Variants in ERC2 observed in about 807,000 individuals in gnomAD.
ERC2 encodes ERC protein 2.
Under a neutral mutation model 114.8 loss-of-function variants are expected in ERC2, and 42 were observed. The ratio of observed to expected loss-of-function variants is 0.37; its 90% CI spans 0.29 to 0.47. The LOEUF is 0.47. Ranked by LOEUF, ERC2 falls within the 20% of genes least tolerant of loss-of-function variation. The pLI is 0.99. For missense variants in ERC2, 939 were observed against 1,150.7 expected, an observed-to-expected ratio of 0.82 and a Z score of 2.66; for synonymous variants, 454 against 425.5, an observed-to-expected ratio of 1.07 and a Z score of -0.82.
chr3:56,147,033 T>C (rs1290096075), intron 5 of ERC2, among the ~76,000 whole-genome samples: 1 of 152,174 alleles, frequency 6.6e-6, no homozygotes, highest in Non-Finnish European at 1.5e-5. Context: ...GTTTACAAAT[T>C]TCATGACATT....
chr3:56,156,071 C>T (rs1188860222), intron 4 of ERC2, among the ~76,000 whole-genome samples: 5 of 151,972 alleles, frequency 3.3e-5, no homozygotes, highest in Non-Finnish European at 5.9e-5. Context: ...AAACCAGATG[C>T]CGAAATGAAA....
intron 17 of ERC2, among the ~76,000 whole-genome samples, chr3:55,641,606 A>T (rs1263715614): frequency 6.6e-6 from 1 of 150,392 alleles, no homozygotes; most frequent in Non-Finnish European, 1.5e-5. Context: ...TCCCTTTTAA[A>T]AAATAGTTTG....
chr3:55,694,739 G>A (rs941192815), intron 16 of ERC2, among the ~76,000 whole-genome samples: 6 of 152,140 alleles, frequency 3.9e-5, no homozygotes, highest in Non-Finnish European at 5.9e-5. Flanking sequence ...GAATCAGAGC[G>A]GCAAGTGCTT....
At chr3:55,764,600 C>A (rs927325446) in intron 14 of ERC2, among the ~76,000 whole-genome samples, 13 of 152,204 alleles carry the variant, frequency 8.5e-5, no homozygotes, top group Admixed American at 8.5e-4. Flanking sequence ...AGAGAAAAAG[C>A]AAAATTCTGC....
At chr3:55,952,179 ACT>A (rs775838556) in intron 12 of ERC2, among the ~76,000 whole-genome samples, 2,885 of 62,098 alleles carry the variant, frequency 0.046, 250 homozygotes, top group African/African-American at 0.13. Flanking sequence ...ACACACACAC[ACT>A]CTCTCTCTCT....
chr3:55,829,626 C>T (rs945897529), intron 14 of ERC2, among the ~76,000 whole-genome samples: 40 of 152,154 alleles, frequency 2.6e-4, no homozygotes, highest in African/African-American at 8.4e-4. Flanking sequence ...GCTATCCTCC[C>T]ATTTCAGCTA....
chr3:56,018,612 A>T (rs926580534), intron 8 of ERC2, among the ~76,000 whole-genome samples: 2 of 152,138 alleles, frequency 1.3e-5, no homozygotes, highest in Non-Finnish European at 2.9e-5. Context: ...GGCCAGGTAG[A>T]GGATTTCAAA....
At chr3:55,790,626 C>A (rs2069926960) in intron 14 of ERC2, among the ~76,000 whole-genome samples, 1 of 152,324 alleles carries the variant, frequency 6.6e-6, no homozygotes, top group Non-Finnish European at 1.5e-5. Flanking sequence ...TACTATCCCC[C>A]ACCTCCAGAT....
chr3:56,320,122 T>G (rs2057060261), intron 2 of ERC2, among the ~76,000 whole-genome samples: 1 of 152,280 alleles, frequency 6.6e-6, no homozygotes, highest in East Asian at 1.9e-4. Context: ...GAGGCTTTTA[T>G]AGGATAAACA....
chr3:55,771,533 T>C (rs1317161101), intron 14 of ERC2, among the ~76,000 whole-genome samples: 2 of 152,172 alleles, frequency 1.3e-5, no homozygotes, highest in African/African-American at 4.8e-5. Flanking sequence ...CCAAATCCCA[T>C]GCTCTTAACC....
chr3:55,522,783 G>T (rs1047776083), intron 17 of ERC2, among the ~76,000 whole-genome samples: 10 of 152,176 alleles, frequency 6.6e-5, no homozygotes, highest in Admixed American at 5.2e-4. Flanking sequence ...ATGTCTCCAC[G>T]TGTAACTGGG....
chr3:55,648,729 G>A (rs2060491779), intron 17 of ERC2, among the ~76,000 whole-genome samples: 1 of 152,166 alleles, frequency 6.6e-6, no homozygotes, highest in African/African-American at 2.4e-5. Context: ...CTTTGCCCTG[G>A]TTCAGAGACA....
At chr3:56,287,771 T>C (rs1485430530) in intron 3 of ERC2, among the ~76,000 whole-genome samples, 1 of 152,184 alleles carries the variant, frequency 6.6e-6, no homozygotes, top group Non-Finnish European at 1.5e-5. Flanking sequence ...GCCAGATCCA[T>C]CCATCACTAT....
chr3:55,941,672 T>C (rs573415559), intron 13 of ERC2, among the ~76,000 whole-genome samples: 184 of 152,352 alleles, frequency 1.2e-3, no homozygotes, highest in Non-Finnish European at 2.1e-3. Context: ...ATTCTTTTGG[T>C]TGAATTTTCT....
chr3:56,019,281 C>T (rs1033147247), intron 7 of ERC2, among the ~76,000 whole-genome samples: 4 of 152,120 alleles, frequency 2.6e-5, no homozygotes, highest in East Asian at 1.9e-4. Flanking sequence ...CCTTCTGACA[C>T]GTACGTAATC....
At chr3:55,674,745 C>T (rs150370284) in intron 17 of ERC2, among the ~76,000 whole-genome samples, 330 of 152,258 alleles carry the variant, frequency 2.2e-3, no homozygotes, top group Middle Eastern at 6.8e-3. Context: ...TTCAAACTTC[C>T]AGGGGCTCTG....
At chr3:55,728,379 A>C (rs1310809993) in intron 15 of ERC2, among the ~76,000 whole-genome samples, 1 of 152,214 alleles carries the variant, frequency 6.6e-6, no homozygotes. Context: ...AGCTTGGCAG[A>C]TTTGACCCAA....
In ERC2 at chr3:55,617,015, CG is replaced by C. The variant is rs1347795101; in HGVS notation, c.*39+66778del. On this transcript the variant is annotated intron_variant, in intron 17 of 17. Transcript: ENST00000288221. The stretch of plus-strand genomic sequence containing the variant: ...CAGGGAGGCAGCCTGCAGGCTTTGC[CG>C]ATGGAAGGCAGGGTGTGAGAAAAGG... 3.9e-5 allele frequency among the ~76,000 whole-genome samples: 6 copies of C among 152,144 alleles called. No individual in the cohort carries two copies. In the East Asian group the frequency reaches 7.7e-4, roughly 20 times the overall value.
In ERC2 at chr3:56,026,832, G is replaced by A. The variant is rs552608407; in HGVS notation, c.1642-7801C>T. Among the ~76,000 whole-genome samples the A allele has an allele frequency of 2.0e-5, 3 of 152,168 alleles. No homozygotes were observed. In the South Asian group the frequency reaches 6.2e-4, roughly 32 times the overall value. ...CTCATGTGCATTTGTGTATTTGTGTGCATCTGTATTTAGTTCTATGCAATT... is the reference window on the plus strand; with the variant it reads ...CTCATGTGCATTTGTGTATTTGTGTACATCTGTATTTAGTTCTATGCAATT... On this transcript the variant is annotated intron_variant, in intron 7 of 17. Coordinates refer to ENST00000288221, the MANE Select transcript of ERC2 (RefSeq NM_015576.3).
Sources: gnomAD v4.1 joint callset for allele counts (sites outside exome capture counted in the v4.1 genomes callset) on GRCh38, gnomAD v4.1.1 for gene constraint, MANE v1.5 for transcripts, NCBI Gene and HGNC (gene_info 2026-07-23, HGNC 2026-07-21) for gene names.